Variants in DLC1 observed in about 807,000 individuals in gnomAD.
DLC1 encodes the protein DLC1 Rho GTPase activating protein.
A neutral mutation model predicts 140.3 loss-of-function variants in DLC1; 54 were observed. The ratio of observed to expected loss-of-function variants is 0.38; its 90% CI spans 0.31 to 0.48. The LOEUF (loss-of-function observed/expected upper bound fraction) is 0.48, where lower values mean the gene tolerates loss of function less well. Ranked by LOEUF, DLC1 falls within the 20% of genes least tolerant of loss-of-function variation. The pLI is 0.96. For missense variants in DLC1, 2,536 were observed against 1,907.0 expected (o/e 1.33, Z -6.14); for synonymous variants, 986 against 728.1 (o/e 1.35, Z -5.70).
chr8:13,129,999 A>G (rs946431639), intron 5 of DLC1, among the ~76,000 whole-genome samples: 4 of 152,118 alleles, frequency 2.6e-5, no homozygotes, highest in African/African-American at 9.7e-5. Flanking sequence ...ACAATACTGG[A>G]CCATCCTGTC....
At chr8:13,341,631 T>C (rs1463038580) in intron 4 of DLC1, 1 of 152,140 alleles carries the variant, frequency 6.6e-6, no homozygotes, top group Non-Finnish European at 1.5e-5. Context: ...TAGAATGTTG[T>C]AAGGACACGT....
intron 2 of DLC1, among the ~76,000 whole-genome samples, chr8:13,418,651 G>A (rs568251883): frequency 6.6e-6 from 1 of 152,292 alleles, no homozygotes; most frequent in South Asian, 2.1e-4. Context: ...GTAGTGTGAT[G>A]CCTCCAGCTT....
intron 2 of DLC1, among the ~76,000 whole-genome samples, chr8:13,496,840 A>G (rs900379726): frequency 2.2e-4 from 25 of 113,286 alleles, no homozygotes; most frequent in African/African-American, 8.3e-4. Flanking sequence ...TCGCTGTGTC[A>G]CCCAGGCTGG....
intron 1 of DLC1, among the ~76,000 whole-genome samples, chr8:13,553,066 T>C (rs114801572): frequency 2.0e-5 from 3 of 151,266 alleles, no homozygotes. Flanking sequence ...GTTTCATTAA[T>C]GCAATAGTTA....
intron 1 of DLC1, among the ~76,000 whole-genome samples, chr8:13,530,800 C>G (rs1803071177): frequency 6.6e-6 from 1 of 152,130 alleles, no homozygotes; most frequent in Non-Finnish European, 1.5e-5. Flanking sequence ...CAAATCCAAA[C>G]TATTACAGCA....
Position 13,150,800 on chromosome 8 carries a change from C to T in DLC1, c.1349-35143G>A, listed in dbSNP as rs571278094. Among the ~76,000 whole-genome samples the T allele has an allele frequency of 1.4e-3, 216 of 152,346 alleles. 1 individual carries two copies. The highest frequency in any genetic ancestry group is 2.9e-3 in the Non-Finnish European group (197 of 68,022). On this transcript the variant is annotated intron_variant, in intron 5 of 17. Coordinates refer to ENST00000276297, the MANE Select transcript of DLC1 (RefSeq NM_182643.3). Reference sequence around the variant, plus strand: ...CTGAGGGGTCTGATTTCTCAAGATGCTTTCTACAAACAGACTTCACATCCA... The same window carrying T: ...CTGAGGGGTCTGATTTCTCAAGATGTTTTCTACAAACAGACTTCACATCCA...
intron 1 of DLC1, among the ~76,000 whole-genome samples, chr8:13,539,744 G>A (rs547059237): frequency 4.6e-4 from 57 of 124,814 alleles, no homozygotes; most frequent in Non-Finnish European, 8.3e-4. Flanking sequence ...TAAGAAATGT[G>A]TGTGTATGTG....
At chr8:13,375,807 A>C (rs1418086663) in intron 4 of DLC1, among the ~76,000 whole-genome samples, 1 of 152,234 alleles carries the variant, frequency 6.6e-6, no homozygotes, top group Non-Finnish European at 1.5e-5. Context: ...AATTCAAAGA[A>C]GAACATAAAC....
intron 5 of DLC1, among the ~76,000 whole-genome samples, chr8:13,259,375 T>A (rs1830390034): frequency 6.6e-6 from 1 of 150,950 alleles, no homozygotes; most frequent in Non-Finnish European, 1.5e-5. Flanking sequence ...TTTTACACGA[T>A]CTTAATTTTA....
At chr8:13,118,004 C>CTTT (rs35775672) in intron 5 of DLC1, among the ~76,000 whole-genome samples, 89 of 114,950 alleles carry the variant, frequency 7.7e-4, no homozygotes, top group African/African-American at 2.5e-3. Context: ...TGTTCTCTTT[C>CTTT]TTTTTTTTTT....
intron 4 of DLC1, among the ~76,000 whole-genome samples, chr8:13,370,743 G>T (rs76852741): frequency 0.048 from 7,358 of 152,200 alleles, 217 homozygotes; most frequent in South Asian, 0.068. Flanking sequence ...TTTCTTTCTG[G>T]GGTGGCAAGA....
intron 5 of DLC1, among the ~76,000 whole-genome samples, chr8:13,264,597 G>A (rs1830610615): frequency 1.3e-5 from 2 of 152,226 alleles, no homozygotes; most frequent in African/African-American, 4.8e-5. Context: ...CGGGAGAGGA[G>A]GGAAGGAGGG....
intron 2 of DLC1, among the ~76,000 whole-genome samples, chr8:13,439,203 G>A (rs1176623245): frequency 1.3e-5 from 2 of 152,052 alleles, no homozygotes; most frequent in Admixed American, 6.5e-5. Context: ...GTGCACCTGT[G>A]GTCCTAGGTA....
chr8:13,133,065 G>A lies in DLC1; in HGVS notation c.1349-17408C>T, dbSNP rs1160872877. 1.9e-6 allele frequency: 3 copies of A among 1,554,784 alleles called. No individual in the cohort carries two copies. In the African/African-American group the frequency reaches 4.1e-5, roughly 21 times the overall value. On this transcript the variant is annotated intron_variant, in intron 5 of 17. Transcript: ENST00000276297. The stretch of plus-strand genomic sequence containing the variant: ...CGGCTTCCGCGTCGGGACCCACGGC[G>A]GCACCCGAGACGCGCGCCCTCGCGG...
At chr8:13,597,478 A>G (rs1483790146) in intron 1 of DLC1, among the ~76,000 whole-genome samples, 1 of 152,036 alleles carries the variant, frequency 6.6e-6, no homozygotes, top group Non-Finnish European at 1.5e-5. Context: ...TCGTTTCCTG[A>G]GCTATGTTTG....
At chr8:13,098,622 G>T (rs1482464382) in intron 9 of DLC1, 47 bp from the exon 10 acceptor site, 25 of 1,556,828 alleles carry the variant, frequency 1.6e-5, no homozygotes, top group African/African-American at 2.8e-5. Context: ...CTTTTTATTT[G>T]ATTTTATTTA....
chr8:13,196,321 T>A (rs999462121), intron 5 of DLC1, among the ~76,000 whole-genome samples: 1 of 152,140 alleles, frequency 6.6e-6, no homozygotes. Context: ...GAAAAAAATA[T>A]TTTATTATTG....
At chr8:13,243,693 C>T (rs1055656084) in intron 5 of DLC1, among the ~76,000 whole-genome samples, 1 of 152,108 alleles carries the variant, frequency 6.6e-6, no homozygotes, top group Admixed American at 6.5e-5. Flanking sequence ...TCCACTTTCT[C>T]TCAAGAGATA....
chr8:13,444,283 C>G (rs1798678764), intron 2 of DLC1, among the ~76,000 whole-genome samples: 1 of 152,100 alleles, frequency 6.6e-6, no homozygotes, highest in Non-Finnish European at 1.5e-5. Context: ...GGGAACATCA[C>G]ACACTGGGGC....
Sources: gnomAD v4.1 joint callset for allele counts (sites outside exome capture counted in the v4.1 genomes callset) on GRCh38, gnomAD v4.1.1 for gene constraint, MANE v1.5 for transcripts, NCBI Gene and HGNC (gene_info 2026-07-23, HGNC 2026-07-21) for gene names.